KMT2D: variants seen among roughly 807,000 people sequenced by gnomAD.
KMT2D encodes the protein histone-lysine N-methyltransferase 2D.
In KMT2D, 55 loss-of-function variants were observed where a neutral mutation model predicts 512.7. That is an observed-to-expected ratio of 0.11 (90% CI 0.09 to 0.13). The LOEUF (loss-of-function observed/expected upper bound fraction) is 0.13. Ranked by LOEUF, KMT2D falls within the 10% of genes least tolerant of loss-of-function variation. KMT2D has a pLI of 1.00. For missense variants in KMT2D, 6,061 were observed against 7,127.9 expected, an observed-to-expected ratio of 0.85 and a Z score of 5.39; for synonymous variants, 2,995 against 2,904.0, an observed-to-expected ratio of 1.03 and a Z score of -1.01.
Position 49,038,405 on chromosome 12 carries a change from C to T in KMT2D, c.8951G>A (p.Gly2984Glu), listed in dbSNP as rs2120496546. The part of the protein sequence containing the change: ...GRPNPLALEA[G>E]KLPCEDPELD... ...CTCGGGATCCTCACAGGGCAACTTC[C>T]CAGCTTCCAGGGCCAGAGGATTGGG... Residue 2984 changes from glycine to glutamate, a missense_variant, in exon 35 of 55, where the codon GGG becomes GAG. Transcript: ENST00000301067. This position sits in a 1 kb window ranked among gnomAD's most constrained non-coding sequence, Gnocchi z 5.7. The T allele has an allele frequency of 6.2e-7, 1 of 1,613,748 alleles. No homozygotes were observed. The highest frequency in any genetic ancestry group is 8.5e-7 in the Non-Finnish European group (1 of 1,179,738).
At position 49,044,150 on chromosome 12, in the gene KMT2D, G is replaced by T; in HGVS notation, c.5188+50C>A. 6.3e-7 allele frequency: 1 copy of T among 1,594,642 alleles called. No individual in the cohort carries two copies. ...TGAGTCCACCCCCTGGGTCTCTCTA[G>T]CATTGCCCCACCTTCTCCCAGGCCC... On this transcript the variant is annotated intron_variant, in intron 22 of 54. Transcript: ENST00000301067. The surrounding 1 kb of genome is among the most constrained non-coding windows in gnomAD (Gnocchi z 6.4).
Position 49,031,844 on chromosome 12 carries a change from G to A in KMT2D, c.12861C>T (p.Pro4287=). The part of the protein sequence containing the change: ...LGAGPRPQGP[P]RLPAPPGALS... ...AGGCTCCTGGTGGGGCAGGGAGCCG[G>A]GGTGGGCCCTGAGGTCGAGGCCCTG... Residue 4287 remains proline (P), a synonymous_variant, in exon 40 of 55, where the codon CCC becomes CCT. Transcript: ENST00000301067. The A allele has an allele frequency of 6.4e-7, 1 of 1,551,252 alleles. No homozygotes were observed. The highest frequency in any genetic ancestry group is 8.7e-7 in the Non-Finnish European group (1 of 1,148,802).
Position 49,052,400 on chromosome 12 carries a change from G to A in KMT2D, c.1283C>T (p.Pro428Leu). The A allele has an allele frequency of 6.5e-7, 1 of 1,541,330 alleles. No individual in the cohort carries two copies. The highest frequency in any genetic ancestry group is 1.4e-5 in the African/African-American group (1 of 72,712). ...PLGKAGVQLE[P>L]QLEAPLNEEM... Reference sequence around the variant, plus strand: ...CTCGTTTAGGGGGGCCTCCAACTGGGGCTCAAGTTGGACCCCTGCTTTCCC... The same window carrying A: ...CTCGTTTAGGGGGGCCTCCAACTGGAGCTCAAGTTGGACCCCTGCTTTCCC... The change falls in exon 11 of 55, where the codon CCC becomes CTC. Residue 428 changes from proline to leucine, a missense_variant. By Grantham distance (98) the Pro-to-Leu change is moderately conservative. Transcript: ENST00000301067.
At chr12:49,055,218 C>A (rs2120717511) in intron 2 of KMT2D, 58 bp downstream of exon 2, 1 of 1,594,420 alleles carries the variant, frequency 6.3e-7, no homozygotes, top group South Asian at 1.1e-5. Flanking sequence ...GTGCCAGGAC[C>A]AGAAATGTAA....
In KMT2D at chr12:49,043,697, C is replaced by T. The variant is rs775554397; in HGVS notation, c.5405G>A (p.Gly1802Glu). 6.2e-7 allele frequency: 1 copy of T among 1,614,000 alleles called. No homozygotes were observed. ...VGVGRPSFGL[G>E]TPKAKGDGGS... ...TCCATCTCCCTTGGCTTTTGGGGTC[C>T]CTAGTCCAAAGCTTGGCCGGCCCAC... The change falls in exon 24 of 55, where the codon GGG (glycine) becomes GAG (glutamate). Residue 1802 changes from glycine to glutamate, a missense_variant. By Grantham distance (98) the Gly-to-Glu change is moderately conservative. Transcript: ENST00000301067.
chr12:49,046,231 C>T lies in KMT2D; in HGVS notation c.4583+29G>A, dbSNP rs2120603107. 3.7e-6 allele frequency: 6 copies of T among 1,613,742 alleles called. No individual in the cohort carries two copies. The highest frequency in any genetic ancestry group is 5.1e-6 in the Non-Finnish European group (6 of 1,179,738). ...AGGCAATGCGAGGCTGGCAACAGGG[C>T]CAAAGTGAGGAGAAAGGGATGTTCT... is the stretch of plus-strand genomic sequence containing the variant. On this transcript the variant is annotated intron_variant, in intron 17 of 54. Transcript: ENST00000301067. The surrounding 1 kb of genome is among the most constrained non-coding windows in gnomAD (Gnocchi z 4.2).
rs1180828668 is a variant in KMT2D, at chr12:49,043,162, G to A, written c.5558C>T (p.Ala1853Val). 4 of 1,613,932 alleles carry A rather than the reference G, an allele frequency of 2.5e-6. No homozygotes were observed. The highest frequency in any genetic ancestry group is 3.4e-6 in the Non-Finnish European group (4 of 1,179,822). Residue 1853 changes from alanine to valine, a missense_variant, in exon 26 of 55, where the codon GCA becomes GTA. By Grantham distance (64) the Ala-to-Val change is moderately conservative (BLOSUM62 0). Coordinates refer to ENST00000301067, the MANE Select transcript of KMT2D (RefSeq NM_003482.4). ...TPGPEDGGVKASPVPSDPEKP... is the reference protein window; with the variant it reads ...TPGPEDGGVKVSPVPSDPEKP... ...CTCAGGGTCACTGGGCACTGGGGAT[G>A]CCTTCACGCCCCCATCCTCAGGTCC... is the stretch of plus-strand genomic sequence containing the variant.
At position 49,029,424 on chromosome 12, in the gene KMT2D, A is replaced by G; in HGVS notation, c.14052T>C (p.Pro4684=). ...LDLLAALPTP[P]HNQTEDVRME... ...ACCTGACATCCTCAGTCTGATTGTG[A>G]GGGGGTGTAGGCAAGGCAGCCAGCA... Residue 4684 remains proline, a synonymous_variant, in exon 44 of 55, where the codon CCT becomes CCC. Transcript: ENST00000301067. 1 of 1,557,580 alleles carries G rather than the reference A, an allele frequency of 6.4e-7. No individual in the cohort carries two copies. Among genetic ancestry groups the G allele is most frequent in the Non-Finnish European group, 8.7e-7 (1 of 1,150,000 alleles).
rs373234419 is a variant in KMT2D, at chr12:49,040,661, C to G, written c.7109G>C (p.Arg2370Pro). ...ATATGGGTCAGTGTAGGAGCCAGGGCGAAAGATGTCTGGGTGACTTGGAGG... is the reference window on the plus strand; with the variant it reads ...ATATGGGTCAGTGTAGGAGCCAGGGGGAAAGATGTCTGGGTGACTTGGAGG... ...PSPPSHPDIFRPGSYTDPYAQ... is the reference protein window; with the variant it reads ...PSPPSHPDIFPPGSYTDPYAQ... Residue 2370 changes from arginine (R) to proline (P), a missense_variant, in exon 32 of 55, where the codon CGC becomes CCC. Coordinates refer to ENST00000301067, the MANE Select transcript of KMT2D (RefSeq NM_003482.4). 13 of 1,613,412 alleles carry G rather than the reference C, an allele frequency of 8.1e-6. No homozygotes were observed. In the Admixed American group the frequency reaches 2.2e-4, roughly 27 times the overall value.
chr12:49,030,866 C>G (rs1565770155), intron 41 of KMT2D, 27 bp downstream of exon 41: 1 of 1,613,420 alleles, frequency 6.2e-7, no homozygotes, highest in South Asian at 1.1e-5. Flanking sequence ...GGGATGGGAC[C>G]AGGGGGACTG....
Position 49,038,748 on chromosome 12 carries a change from C to A in KMT2D, c.8608G>T (p.Gly2870Cys), listed in dbSNP as rs2120503548. ...RLPGPGEPVP[G>C]PAGPAQFIEL... ...ATGAACTGGGCAGGACCAGCTGGAC[C>A]AGGCACTGGCTCACCAGGGCCTGGC... Residue 2870 changes from glycine to cysteine, a missense_variant, in exon 35 of 55, where the codon GGT becomes TGT. Coordinates refer to ENST00000301067, the MANE Select transcript of KMT2D (RefSeq NM_003482.4). The surrounding 1 kb of genome is among the most constrained non-coding windows in gnomAD (Gnocchi z 5.7). The A allele has an allele frequency of 6.2e-7, 1 of 1,606,382 alleles. No homozygotes were observed. Among genetic ancestry groups the A allele is most frequent in the East Asian group, 2.2e-5 (1 of 44,572 alleles).
Position 49,026,306 on chromosome 12 carries a change from G to A in KMT2D, c.15660C>T (p.Arg5220=), listed in dbSNP as rs1942585367. ...YEATRIYWSL[R]TNNRRCCYRC... ...GATAGCAGCAGCGACGATTGTTGGT[G>A]CGGAGGCTCCAATAGATGCGCGTGG... Residue 5220 remains arginine (R), a synonymous_variant, in exon 49 of 55, where the codon CGC becomes CGT. Transcript: ENST00000301067. This position sits in a 1 kb window ranked among gnomAD's most constrained non-coding sequence, Gnocchi z 9.6. 1 of 1,611,852 alleles carries A rather than the reference G, an allele frequency of 6.2e-7. No homozygotes were observed. Among genetic ancestry groups the A allele is most frequent in the African/African-American group, 1.3e-5 (1 of 74,884 alleles).
rs2120579445 is a variant in KMT2D, at chr12:49,044,192, C to A, written c.5188+8G>T. 6.2e-7 allele frequency: 1 copy of A among 1,610,458 alleles called. No individual in the cohort carries two copies. The highest frequency in any genetic ancestry group is 1.1e-5 in the South Asian group (1 of 90,852). ...CCCAGGCCCCACTGGTGCCCTCACCCGTCTCACCCTCGTCGGGCTGCCCAT... is the reference window on the plus strand; with the variant it reads ...CCCAGGCCCCACTGGTGCCCTCACCAGTCTCACCCTCGTCGGGCTGCCCAT... On this transcript the variant is annotated splice_region_variant and intron_variant, in intron 22 of 54. Transcript: ENST00000301067. This position sits in a 1 kb window ranked among gnomAD's most constrained non-coding sequence, Gnocchi z 6.4.
In KMT2D at chr12:49,032,946, A is replaced by AGCT. The variant is rs576788910; in HGVS notation, c.11756_11758dup (p.Gln3919dup). ...CTGCTGAAGTTGCTGTTGCTGTTGTAGCTGCTGCTGCTGCTGCTGCTGAAG... is the reference window on the plus strand; with the variant it reads ...CTGCTGAAGTTGCTGTTGCTGTTGTAGCTGCTGCTGCTGCTGCTGCTGCTGAAG... On this transcript the variant is annotated inframe_insertion, in exon 40 of 55. Transcript: ENST00000301067. The AGCT allele has an allele frequency of 2.0e-4, 304 of 1,549,680 alleles. 2 individuals are homozygous for AGCT. In the African/African-American group the frequency reaches 2.2e-3, roughly 11 times the overall value.
Position 49,038,520 on chromosome 12 carries a change from G to A in KMT2D, c.8836C>T (p.Leu2946Phe), listed in dbSNP as rs2120499417. The A allele has an allele frequency of 6.2e-7, 1 of 1,608,754 alleles. No individual in the cohort carries two copies. Among genetic ancestry groups the A allele is most frequent in the Non-Finnish European group, 8.5e-7 (1 of 1,176,050 alleles). Residue 2946 changes from leucine (L) to phenylalanine (F), a missense_variant, in exon 35 of 55, where the codon CTT (leucine) becomes TTT (phenylalanine). Leu to Phe is a conservative substitution (Grantham distance 22). Transcript: ENST00000301067. This position sits in a 1 kb window ranked among gnomAD's most constrained non-coding sequence, Gnocchi z 5.7. The part of the protein sequence containing the change: ...APPAPELNNS[L>F]HPTPHTKGPT... Reference sequence around the variant, plus strand: ...CCCTTGGTGTGGGGTGTTGGATGAAGACTGTTGTTCAATTCAGGGGCCGGT... The same window carrying A: ...CCCTTGGTGTGGGGTGTTGGATGAAAACTGTTGTTCAATTCAGGGGCCGGT...
At chr12:49,023,577 G>A (rs117508520) in intron 51 of KMT2D, among the ~76,000 whole-genome samples, 1,789 of 152,206 alleles carry the variant, frequency 0.012, 27 homozygotes, top group Non-Finnish European at 0.016. Flanking sequence ...TTTTTATTTA[G>A]CAGAAATCTT....
Position 49,029,661 on chromosome 12 carries a change from GTTTTTTGTT to G in KMT2D, c.14000-194_14000-186del, listed in dbSNP as rs1350346136. The stretch of plus-strand genomic sequence containing the variant: ...TCTGTCCTGCATGCCAGGCACTGTT[GTTTTTTGTT>G]TTTTTTGTTTTTTTTTTTTTTTTCC... On this transcript the variant is annotated intron_variant, in intron 43 of 54. Coordinates refer to ENST00000301067, the MANE Select transcript of KMT2D (RefSeq NM_003482.4). Among the ~76,000 whole-genome samples, 10 of 138,926 alleles carry G rather than the reference GTTTTTTGTT, an allele frequency of 7.2e-5. No homozygotes were observed. The South Asian group carries it at 1.2e-3, about 16-fold the overall frequency. 91.1% of individuals were successfully genotyped at this position (138,926 alleles called of 152,430 possible). A position where few individuals can be genotyped will look rare whatever the true frequency, so the allele number is the denominator to read the frequency against.
rs1197794599 is a variant in KMT2D at position 49,022,195 on chromosome 12, G to A, written c.16413-44C>T. The A allele has an allele frequency of 1.9e-6, 3 of 1,603,780 alleles. No individual in the cohort carries two copies. Among genetic ancestry groups the A allele is most frequent in the Admixed American group, 1.7e-5 (1 of 59,986 alleles). On this transcript the variant is annotated intron_variant, in intron 53 of 54. Transcript: ENST00000301067. This position sits in a 1 kb window ranked among gnomAD's most constrained non-coding sequence, Gnocchi z 8.6. Reference sequence around the variant, plus strand: ...TCAGGGATGTCAGGCAACTAACTTGGGACAATTTTGATTCCTTGTTCGTCT... The same window carrying A: ...TCAGGGATGTCAGGCAACTAACTTGAGACAATTTTGATTCCTTGTTCGTCT...
rs977670269 is a variant in KMT2D, at chr12:49,027,033, C to T, written c.14933G>A (p.Arg4978His). Residue 4978 changes from arginine (R) to histidine (H), a missense_variant, in exon 49 of 55, where the codon CGC (arginine) becomes CAC (histidine). This residue lies in a region of KMT2D where 1,600 missense variants were observed against 1,754.9 expected (regional missense o/e 0.91). Coordinates refer to ENST00000301067, the MANE Select transcript of KMT2D (RefSeq NM_003482.4). ...PEEGEDSRPPRLKKWKGVRWK... is the reference protein window; with the variant it reads ...PEEGEDSRPPHLKKWKGVRWK... ...GCGCACTCCTTTCCATTTCTTGAGG[C>T]GAGGAGGACGGGAATCTTCACCTTC... is the stretch of plus-strand genomic sequence containing the variant. 9 of 1,613,820 alleles carry T rather than the reference C, an allele frequency of 5.6e-6. No individual in the cohort carries two copies. The highest frequency in any genetic ancestry group is 2.7e-5 in the African/African-American group (2 of 74,910).
Sources: allele counts gnomAD v4.1 joint callset (sites outside exome capture counted in the v4.1 genomes callset), GRCh38; gene constraint gnomAD v4.1.1; regional missense constraint gnomAD v4.1.1; non-coding constraint Gnocchi (gnomAD v3.1); transcripts MANE v1.5; gene names NCBI Gene and HGNC (gene_info 2026-07-23, HGNC 2026-07-21).